BARD1: variants seen among roughly 807,000 people sequenced by gnomAD.
BARD1 encodes BRCA1 associated RING domain 1, also known as BRCA1-associated RING domain protein 1.
A neutral mutation model predicts 77.0 loss-of-function variants in BARD1; 73 were observed. The observed-to-expected ratio is 0.95, with a 90% CI of 0.79 to 1.15. BARD1 has a LOEUF of 1.15. Ranked by LOEUF, BARD1 falls within the 50% of genes most tolerant of loss-of-function variation. The probability of loss-of-function intolerance (pLI) is 0.00; values close to 1 mark genes in which losing one functional copy is unlikely to be tolerated. For synonymous variants in BARD1, 384 were observed against 338.0 expected (o/e 1.14, Z -1.49); for missense variants, 993 against 938.8 (o/e 1.06, Z -0.75).
At chr2:214,777,853 C>A (rs897373533) in intron 4 of BARD1, among the ~76,000 whole-genome samples, 1 of 152,152 alleles carries the variant, frequency 6.6e-6, no homozygotes, top group African/African-American at 2.4e-5. Flanking sequence ...TAGATTTATT[C>A]ATTCTTGGCT....
chr2:214,747,806 T>C (rs1216336048), intron 7 of BARD1, among the ~76,000 whole-genome samples: 1 of 150,582 alleles, frequency 6.6e-6, no homozygotes, highest in South Asian at 2.1e-4. Context: ...TGTATACATA[T>C]GTAACAAACC....
rs766881405 is a variant in BARD1 at position 214,726,679 on chromosome 2, T to C, written c.*1997A>G. On this transcript the variant is annotated 3_prime_UTR_variant, in exon 11 of 11. Transcript: ENST00000260947. ...GATTTGTGGTAAAAAAGAAGGAAGC[T>C]TGAATCTATGATTGAAAAATAAAAA... 1.6e-4 allele frequency: 37 copies of C among 229,342 alleles called. No homozygotes were observed. Among genetic ancestry groups the C allele is most frequent in the Non-Finnish European group, 2.4e-4 (28 of 115,868 alleles). The allele number at this position is 229,342 out of a possible 1,614,324, so 14.2% of individuals were successfully genotyped here.
intron 7 of BARD1, among the ~76,000 whole-genome samples, chr2:214,747,822 G>T (rs1026345167): frequency 6.6e-6 from 1 of 150,602 alleles, no homozygotes; most frequent in Admixed American, 6.6e-5. Context: ...AAACCTGCAC[G>T]TTGTGCACAT....
At chr2:214,773,097 TTCAA>T (rs1316333283) in intron 4 of BARD1, among the ~76,000 whole-genome samples, 9 of 152,138 alleles carry the variant, frequency 5.9e-5, no homozygotes, top group African/African-American at 9.7e-5. Context: ...TTCCTAATCT[TTCAA>T]TCAAAGGAAA....
At chr2:214,801,329 T>C (rs1200793686) in intron 1 of BARD1, among the ~76,000 whole-genome samples, 1 of 152,196 alleles carries the variant, frequency 6.6e-6, no homozygotes, top group African/African-American at 2.4e-5. Context: ...GTACAATGCT[T>C]ATATGAACAT....
At chr2:214,763,988 C>T (rs1415072803) in intron 6 of BARD1, among the ~76,000 whole-genome samples, 1 of 152,162 alleles carries the variant, frequency 6.6e-6, no homozygotes, top group Non-Finnish European at 1.5e-5. Context: ...ATAGGAATTA[C>T]TTTGGGTAGC....
rs189922254 is a variant in BARD1 at position 214,729,744 on chromosome 2, G to A, written c.2001+667C>T. Among the ~76,000 whole-genome samples the A allele has an allele frequency of 2.5e-3, 381 of 152,224 alleles. 2 individuals carry two copies. The highest frequency in any genetic ancestry group is 8.7e-3 in the African/African-American group (362 of 41,542). On this transcript the variant is annotated intron_variant, in intron 10 of 10. Transcript: ENST00000260947. ...TTGAAATAGGCTTCAGAGACACCAGGCTAAACATTATTAAATTACAAGAGT... is the reference window on the plus strand; with the variant it reads ...TTGAAATAGGCTTCAGAGACACCAGACTAAACATTATTAAATTACAAGAGT...
In BARD1 at chr2:214,768,454, A is replaced by G. The variant is rs372145196; in HGVS notation, c.1395+778T>C. ...GGCTTTGAAGAAAAAAATAAAATTA[A>G]CCTTTCTTTGAAAAGGTTAGCCAGC... On this transcript the variant is annotated intron_variant, in intron 5 of 10. Transcript: ENST00000260947. Among the ~76,000 whole-genome samples the G allele has an allele frequency of 4.3e-4, 66 of 152,204 alleles. 1 individual carries two copies. Among genetic ancestry groups the G allele is most frequent in the African/African-American group, 1.5e-3 (63 of 41,530 alleles).
At chr2:214,785,632 A>AG (rs1408635157) in intron 3 of BARD1, among the ~76,000 whole-genome samples, 8 of 151,976 alleles carry the variant, frequency 5.3e-5, no homozygotes, top group Non-Finnish European at 1.2e-4. Flanking sequence ...TAAAACAAAA[A>AG]GAAGGAAGGA....
chr2:214,728,726 A>G lies in BARD1; in HGVS notation c.2284T>C (p.Trp762Arg), dbSNP rs878854008. Reference sequence around the variant, plus strand: ...AAGGACATCACACAGTCTATAAACCAGCTCGAAGGAGCCTTCCAGACTTTG... The same window carrying G: ...AAGGACATCACACAGTCTATAAACCGGCTCGAAGGAGCCTTCCAGACTTTG... Reference protein sequence around the residue: ...QGKVWKAPSSWFIDCVMSFEL... With the variant: ...QGKVWKAPSSRFIDCVMSFEL... The change falls in exon 11 of 11, where the codon TGG (tryptophan) becomes CGG (arginine). Residue 762 changes from tryptophan (W) to arginine (R), a missense_variant. Transcript: ENST00000260947. 6 of 1,614,228 alleles carry G rather than the reference A, an allele frequency of 3.7e-6. No homozygotes were observed. Among genetic ancestry groups the G allele is most frequent in the East Asian group, 2.2e-5 (1 of 44,882 alleles).
chr2:214,741,727 AAATAT>A (rs1289085239), intron 9 of BARD1, among the ~76,000 whole-genome samples: 4 of 152,276 alleles, frequency 2.6e-5, no homozygotes. Context: ...TCTGTAAAAG[AAATAT>A]AAGATAGACT....
chr2:214,756,889 G>A lies in BARD1; in HGVS notation c.1569-4334C>T, dbSNP rs568232674. ...AAACTGGGTTCAGTGTGTACTGCTC[G>A]GGTGATGGGTACACCACAATCTCAC... is the stretch of plus-strand genomic sequence containing the variant. On this transcript the variant is annotated intron_variant, in intron 6 of 10. Transcript: ENST00000260947. Among the ~76,000 whole-genome samples the A allele has an allele frequency of 2.6e-5, 4 of 152,044 alleles. No individual in the cohort carries two copies. The South Asian group carries it at 6.2e-4, about 24-fold the overall frequency.
At chr2:214,764,375 AG>A (rs553515096) in intron 6 of BARD1, among the ~76,000 whole-genome samples, 195 of 152,298 alleles carry the variant, frequency 1.3e-3, no homozygotes, top group African/African-American at 4.5e-3. Flanking sequence ...GTACCACATC[AG>A]GAAAGGTGGC....
chr2:214,751,097 GTGTGTGTGTGTGTGTGTGTGTA>G (rs1167509829), intron 7 of BARD1, among the ~76,000 whole-genome samples: 2 of 11,070 alleles, frequency 1.8e-4, no homozygotes, highest in African/African-American at 4.0e-4. Context: ...GTGTGTGTGT[GTGTGTGTGTGTGTGTGTGTGTA>G]TATATATATA....
chr2:214,734,649 T>C (rs535214730), intron 9 of BARD1, among the ~76,000 whole-genome samples: 41 of 152,306 alleles, frequency 2.7e-4, no homozygotes, highest in African/African-American at 9.6e-4. Context: ...AAAATACTCA[T>C]AAATCATAAG....
intron 8 of BARD1, among the ~76,000 whole-genome samples, 161 bp downstream of exon 8, chr2:214,745,561 T>C (rs184958237): frequency 6.6e-6 from 1 of 152,312 alleles, no homozygotes; most frequent in East Asian, 1.9e-4. Flanking sequence ...TGTCTATAAG[T>C]AGTTTATTAC....
intron 4 of BARD1, among the ~76,000 whole-genome samples, chr2:214,771,115 T>C (rs922748808): frequency 6.6e-6 from 1 of 152,184 alleles, no homozygotes; most frequent in Admixed American, 6.5e-5. Context: ...AATTACATTA[T>C]TATCACCACT....
At chr2:214,752,889 A>G (rs72942176) in intron 6 of BARD1, among the ~76,000 whole-genome samples, 1 of 152,316 alleles carries the variant, frequency 6.6e-6, no homozygotes, top group Non-Finnish European at 1.5e-5. Context: ...ATCATTTACT[A>G]TAGCTATTAT....
intron 9 of BARD1, among the ~76,000 whole-genome samples, chr2:214,738,386 CCTTAGCAAA>C (rs1050114805): frequency 1.3e-5 from 2 of 152,112 alleles, no homozygotes; most frequent in African/African-American, 4.8e-5. Context: ...GCTCTGTCTA[CCTTAGCAAA>C]GCCTGGAATT....
Sources: gnomAD v4.1 joint callset for allele counts (sites outside exome capture counted in the v4.1 genomes callset) on GRCh38, gnomAD v4.1.1 for gene constraint, MANE v1.5 for transcripts, NCBI Gene and HGNC (gene_info 2026-07-23, HGNC 2026-07-21) for gene names.